The following CENPQ variants were observed in gnomAD, a reference collection of about 807,000 sequenced individuals.
The protein encoded by CENPQ is chromosome 6 open reading frame 139.
CENPQ carries 27 observed loss-of-function variants against 36.6 expected under a neutral mutation model. The observed-to-expected ratio is 0.74, with a 90% CI of 0.54 to 1.02. The LOEUF (loss-of-function observed/expected upper bound fraction) is 1.02. Ranked by LOEUF, CENPQ falls within the 50% of genes least tolerant of loss-of-function variation. The pLI is 0.00. For synonymous variants in CENPQ, 101 were observed against 101.7 expected (o/e 0.99, Z 0.04); for missense variants, 306 against 301.8 (o/e 1.01, Z -0.10).
intron 8 of CENPQ, 66 bp from the exon 9 acceptor site, chr6:49,492,078 A>G (rs12175251): frequency 0.14 from 174,477 of 1,275,096 alleles, 13,122 homozygotes; most frequent in South Asian, 0.18. Flanking sequence ...TGTTCTCTCT[A>G]ACATACATTT....
chr6:49,480,373 A>G (rs1027455821), intron 5 of CENPQ, among the ~76,000 whole-genome samples: 1 of 152,232 alleles, frequency 6.6e-6, no homozygotes, highest in Non-Finnish European at 1.5e-5. Context: ...TTTTAACTTT[A>G]ATATTAAATG....
chr6:49,477,012 C>T (rs949795459), intron 5 of CENPQ, among the ~76,000 whole-genome samples: 15 of 152,256 alleles, frequency 9.9e-5, no homozygotes, highest in African/African-American at 2.6e-4. Flanking sequence ...GACAGTGTGG[C>T]GATTCCTCAA....
At chr6:49,478,905 T>C (rs536379708) in intron 5 of CENPQ, among the ~76,000 whole-genome samples, 1 of 152,312 alleles carries the variant, frequency 6.6e-6, no homozygotes, top group East Asian at 1.9e-4. Flanking sequence ...CAAGCCATGG[T>C]TTTAGTTTCT....
At chr6:49,470,939 T>G in intron 2 of CENPQ, 35 bp from the exon 3 acceptor site, 2 of 1,259,680 alleles carry the variant, frequency 1.6e-6, no homozygotes, top group Non-Finnish European at 2.2e-6. Flanking sequence ...GATGTTTAAT[T>G]CTGTTTATGT....
chr6:49,465,672 T>C (rs1425278275), intron 1 of CENPQ, among the ~76,000 whole-genome samples: 1 of 152,216 alleles, frequency 6.6e-6, no homozygotes, highest in Admixed American at 6.5e-5. Context: ...AACCAAGCTC[T>C]GCTAGCTTCA....
chr6:49,465,569 AC>A (rs1767981666), intron 1 of CENPQ, among the ~76,000 whole-genome samples: 1 of 152,194 alleles, frequency 6.6e-6, no homozygotes, highest in Admixed American at 6.5e-5. Flanking sequence ...CTTACCTAGA[AC>A]TGGATAACTT....
intron 8 of CENPQ, among the ~76,000 whole-genome samples, chr6:49,489,021 G>C (rs746322822): frequency 2.6e-5 from 4 of 152,098 alleles, no homozygotes; most frequent in Non-Finnish European, 5.9e-5. Context: ...CTGATAGCGT[G>C]GTGATTACTG....
At chr6:49,485,535 A>G (rs977952916) in intron 6 of CENPQ, among the ~76,000 whole-genome samples, 1 of 152,204 alleles carries the variant, frequency 6.6e-6, no homozygotes, top group African/African-American at 2.4e-5. Context: ...ACAGATAAAC[A>G]TTAACCTAAT....
At chr6:49,468,023 A>G (rs190578147) in intron 1 of CENPQ, among the ~76,000 whole-genome samples, 4 of 152,314 alleles carry the variant, frequency 2.6e-5, no homozygotes, top group Admixed American at 2.6e-4. Flanking sequence ...GGTAAGGACT[A>G]AAAATGGCAT....
At position 49,470,215 on chromosome 6, in the gene CENPQ, A is replaced by G; in HGVS notation, c.39A>G (p.Gln13=). 1 of 1,611,700 alleles carries G rather than the reference A, an allele frequency of 6.2e-7. No individual in the cohort carries two copies. The highest frequency in any genetic ancestry group is 8.5e-7 in the Non-Finnish European group (1 of 1,178,614). The change falls in exon 2 of 9, where the codon CAA becomes CAG. Residue 13 remains glutamine (Q), a synonymous_variant. Transcript: ENST00000335783. ...CAAATGCTTCCAAGAAAAACGCTCA[A>G]CAGTTAAAAAGAAATCCAAAGAGAA... ...GKANASKKNA[Q]QLKRNPKRKK... is the part of the protein sequence containing the mutation.
Position 49,471,028 on chromosome 6 carries a change from G to T in CENPQ, c.157G>T (p.Gly53Ter). The T allele has an allele frequency of 6.6e-7, 1 of 1,504,422 alleles. No individual in the cohort carries two copies. Among genetic ancestry groups the T allele is most frequent in the South Asian group, 1.4e-5 (1 of 73,984 alleles). 93.2% of individuals were successfully genotyped at this position (1,504,422 alleles called of 1,614,324 possible). Residue 53 changes from glycine to a stop codon, truncating the protein, a stop_gained and splice_region_variant, in exon 3 of 9, where the codon GGA becomes TGA. Coordinates refer to ENST00000335783, the MANE Select transcript of CENPQ (RefSeq NM_018132.4). LOFTEE classifies it high-confidence loss of function. Reference protein sequence around the residue: ...KNHLKDLSSEGQTKHTNLKHG... With the variant: ...KNHLKDLSSE The stretch of plus-strand genomic sequence containing the variant: ...TCATCTGAAAGATCTGTCTTCTGAA[G>T]GTATTTCTTTTCTATTACCTTGTTT...
chr6:49,483,172 C>T (rs1410586471), intron 6 of CENPQ, among the ~76,000 whole-genome samples: 1 of 152,126 alleles, frequency 6.6e-6, no homozygotes, highest in Admixed American at 6.5e-5. Flanking sequence ...ACGTCCCCAC[C>T]AGAGTAGCTA....
At chr6:49,482,086 T>G (rs777574931) in intron 6 of CENPQ, among the ~76,000 whole-genome samples, 1 of 152,132 alleles carries the variant, frequency 6.6e-6, no homozygotes, top group Non-Finnish European at 1.5e-5. Context: ...CTTCATTGCC[T>G]GGGGCTGGCA....
Position 49,488,623 on chromosome 6 carries a change from G to C in CENPQ, c.614G>C (p.Ser205Thr), listed in dbSNP as rs951346630. Residue 205 changes from serine (S) to threonine (T), a missense_variant, in exon 8 of 9, where the codon AGT becomes ACT. Transcript: ENST00000335783. ...ERVKQMHQINSSGVLSLPELS... is the reference protein window; with the variant it reads ...ERVKQMHQINTSGVLSLPELS... ...CTACTTTAGATGCATCAAATAAATA[G>C]TAGTGGAGTACTCTCTCTTCCGGAA... is the stretch of plus-strand genomic sequence containing the variant. The C allele has an allele frequency of 1.2e-6, 2 of 1,613,282 alleles. No individual in the cohort carries two copies. Among genetic ancestry groups the C allele is most frequent in the Admixed American group, 1.7e-5 (1 of 59,992 alleles).
At chr6:49,467,211 C>A (rs1056294081) in intron 1 of CENPQ, among the ~76,000 whole-genome samples, 1 of 152,172 alleles carries the variant, frequency 6.6e-6, no homozygotes, top group African/African-American at 2.4e-5. Context: ...TCTGTTAGAC[C>A]AGTTTTGCTT....
rs547931699 is a variant in CENPQ at position 49,470,263 on chromosome 6, G to A, written c.87G>A (p.Val29=). The A allele has an allele frequency of 5.7e-6, 9 of 1,589,740 alleles. No homozygotes were observed. In the East Asian group the frequency reaches 2.0e-4, roughly 36 times the overall value. ...PKRKKDNEEV[V]LSENKVRNTV... ...GAAAAAAGGATAATGAGGAAGTTGT[G>A]TTGTCAGAGAATAAGGTAATGAAAA... Residue 29 remains valine (V), a synonymous_variant, in exon 2 of 9, where the codon GTG becomes GTA. Transcript: ENST00000335783.
chr6:49,464,911 ACCT>A (rs2127422361), intron 1 of CENPQ, among the ~76,000 whole-genome samples: 1 of 152,178 alleles, frequency 6.6e-6, no homozygotes, highest in African/African-American at 2.4e-5. Flanking sequence ...TGATATTTTG[ACCT>A]CCTCCCGTGA....
rs541896969 is a variant in CENPQ at position 49,492,921 on chromosome 6, A to G, written c.*646A>G. ...AAGTATTAAAAAGGAACCTTAGCACATTTATTTTATTAAAACAAGAAAACC... is the reference window on the plus strand; with the variant it reads ...AAGTATTAAAAAGGAACCTTAGCACGTTTATTTTATTAAAACAAGAAAACC... On this transcript the variant is annotated 3_prime_UTR_variant, in exon 9 of 9. Transcript: ENST00000335783. The G allele has an allele frequency of 6.5e-6, 1 of 152,736 alleles. No homozygotes were observed. The highest frequency in any genetic ancestry group is 2.4e-5 in the African/African-American group (1 of 41,568). The allele number at this position is 152,736 out of a possible 1,614,324, so 9.5% of individuals were successfully genotyped here. A position where few individuals can be genotyped will look rare whatever the true frequency, so the allele number is the denominator to read the frequency against.
At chr6:49,481,963 G>A (rs1257391315) in intron 6 of CENPQ, among the ~76,000 whole-genome samples, 1 of 152,202 alleles carries the variant, frequency 6.6e-6, no homozygotes, top group East Asian at 1.9e-4. Context: ...CCTGAGCCCT[G>A]CCCCACAGGG....
Sources: allele counts gnomAD v4.1 joint callset (sites outside exome capture counted in the v4.1 genomes callset), GRCh38; gene constraint gnomAD v4.1.1; transcripts MANE v1.5; gene names NCBI Gene and HGNC (gene_info 2026-07-23, HGNC 2026-07-21).